Variants in NBPF12 observed in about 807,000 individuals in gnomAD.
The protein encoded by NBPF12 is NBPF family member NBPF12.
Under a neutral mutation model 146.4 loss-of-function variants are expected in NBPF12, and 115 were observed. That is an observed-to-expected ratio of 0.79 (90% CI 0.68 to 0.92). The LOEUF (loss-of-function observed/expected upper bound fraction) is 0.92, where lower values mean the gene tolerates loss of function less well. NBPF12 is among the 40% of genes least tolerant of loss of function. The pLI, the probability that NBPF12 is intolerant of heterozygous loss-of-function variation, is 0.00. For synonymous variants in NBPF12, 385 were observed against 508.9 expected (o/e 0.76, Z 3.28); for missense variants, 1,205 against 1,326.8 (o/e 0.91, Z 1.43).
At chr1:146,978,558 C>A (rs1368333154) in intron 18 of NBPF12, among the ~76,000 whole-genome samples, 19,481 of 148,492 alleles carry the variant, frequency 0.13, 764 homozygotes, top group Admixed American at 0.23. Context: ...AAGAGTTGTT[C>A]AAATTTATCT....
chr1:146,983,242 T>A (rs1657501476), intron 20 of NBPF12, 151 bp downstream of exon 23: 1 of 801,918 alleles, frequency 1.2e-6, no homozygotes, highest in South Asian at 1.5e-5. Flanking sequence ...CACTCTGGAG[T>A]CGAGTCTGAA....
intron 8 of NBPF12, among the ~76,000 whole-genome samples, chr1:146,965,534 G>A (rs1268091012): frequency 4.8e-4 from 73 of 150,836 alleles, no homozygotes; most frequent in African/African-American, 1.8e-3. Flanking sequence ...TGTAATCCCA[G>A]CACTTTGGGA....
downstream of NBPF12, chr1:146,996,104 T>C (rs1161641050): frequency 2.1e-4 from 28 of 130,628 alleles, no homozygotes; most frequent in African/African-American, 4.3e-4. Context: ...CTCTGGACTT[T>C]TGGATTGTTT....
intron 31 of NBPF12, among the ~76,000 whole-genome samples, chr1:146,992,418 C>G (rs1658228439): frequency 3.6e-5 from 5 of 138,516 alleles, no homozygotes; most frequent in South Asian, 4.5e-4. Flanking sequence ...GTCACCTGGA[C>G]AATTCACTGA....
At chr1:146,976,807 G>T in intron 16 of NBPF12, 122 bp from the exon 20 acceptor site, 2 of 566,658 alleles carry the variant, frequency 3.5e-6, no homozygotes, top group Admixed American at 3.1e-5. Context: ...GATAAAACAT[G>T]AGAGTTTTCA....
At chr1:146,939,786 A>G (rs1482593432) in intron 1 of NBPF12, among the ~76,000 whole-genome samples, 4 of 152,028 alleles carry the variant, frequency 2.6e-5, no homozygotes, top group African/African-American at 7.3e-5. Flanking sequence ...GATTGAGACC[A>G]TCCTGGCTAA....
intron 19 of NBPF12, among the ~76,000 whole-genome samples, chr1:146,981,203 C>G (rs1339868957): frequency 7.4e-6 from 1 of 135,026 alleles, no homozygotes; most frequent in Non-Finnish European, 1.6e-5. Context: ...ATGGGTGAAG[C>G]ACACCAATGT....
In NBPF12 at chr1:146,970,712, TC is replaced by T. The variant is rs1336177585; in HGVS notation, c.1377del (p.Arg460GlyfsTer54). 8 of 1,368,080 alleles carry T rather than the reference TC, an allele frequency of 5.8e-6. No individual in the cohort carries two copies. The African/African-American group carries it at 8.7e-5, about 15-fold the overall frequency. The allele number at this position is 1,368,080 out of a possible 1,614,324, so 84.7% of individuals were successfully genotyped here. On this transcript the variant is annotated frameshift_variant, in exon 12 of 34. Coordinates refer to ENST00000617844, the Ensembl canonical transcript of NBPF12. LOFTEE classifies it high-confidence loss of function. The stretch of plus-strand genomic sequence containing the variant: ...GGATGAGAAAGTGCTGGAATCATCT[TC>T]CCCCAGGTGACACTGAATACTCAGG...
At chr1:146,960,222 C>G (rs1655767135) in exon 4 of NBPF12, 2 of 1,140,708 alleles carry the variant, frequency 1.8e-6, no homozygotes, top group East Asian at 4.7e-5. Flanking sequence ...ATTGCGCCCC[C>G]AGTTGGCAGA....
At chr1:146,989,354 C>T (rs1181276349) in intron 27 of NBPF12, among the ~76,000 whole-genome samples, 20 of 147,952 alleles carry the variant, frequency 1.4e-4, no homozygotes, top group Admixed American at 9.6e-4. Flanking sequence ...CTGTCTCTGT[C>T]TCTGTCTCTG....
intron 1 of NBPF12, among the ~76,000 whole-genome samples, chr1:146,950,847 A>G (rs1214863692): frequency 2.0e-5 from 3 of 152,204 alleles, no homozygotes; most frequent in African/African-American, 7.2e-5. Flanking sequence ...AGTTTTTCCT[A>G]TTACGAATAA....
chr1:146,946,390 A>G (rs1428239269), upstream of NBPF12, among the ~76,000 whole-genome samples: 1 of 150,890 alleles, frequency 6.6e-6, no homozygotes, highest in Non-Finnish European at 1.5e-5. Context: ...CCATTCTGAT[A>G]GGTTTACGGT....
At chr1:146,984,485 T>C (rs1330767731) in intron 21 of NBPF12, among the ~76,000 whole-genome samples, 1 of 150,596 alleles carries the variant, frequency 6.6e-6, no homozygotes, top group East Asian at 2.0e-4. Context: ...CTTTTCATGA[T>C]CACTGTTCAC....
intron 1 of NBPF12, among the ~76,000 whole-genome samples, 136 bp downstream of exon 1, chr1:146,939,148 C>T (rs1206928025): frequency 0.043 from 6,537 of 152,070 alleles, 534 homozygotes; most frequent in African/African-American, 0.15. Flanking sequence ...CCTAAGTTCC[C>T]TGCGCTTGAT....
chr1:146,940,938 C>G (rs1654772265), intron 1 of NBPF12, among the ~76,000 whole-genome samples: 2 of 152,020 alleles, frequency 1.3e-5, no homozygotes, highest in African/African-American at 4.8e-5. Context: ...ATCCAGTTTT[C>G]ATTGATATGC....
At chr1:146,967,385 C>T (rs1656275547) in intron 9 of NBPF12, among the ~76,000 whole-genome samples, 1 of 150,990 alleles carries the variant, frequency 6.6e-6, no homozygotes, top group Non-Finnish European at 1.5e-5. Flanking sequence ...ACTGTAATCA[C>T]TCCTGCTCAG....
chr1:146,995,429 C>CA (rs1475652815), exon 34 of NBPF12: 7 of 137,022 alleles, frequency 5.1e-5, no homozygotes, highest in Non-Finnish European at 9.3e-5. Context: ...CACCACAAAT[C>CA]ACACAACAAA....
intron 15 of NBPF12, among the ~76,000 whole-genome samples, chr1:146,975,347 G>T (rs1236017033): frequency 1.4e-5 from 2 of 141,286 alleles, no homozygotes; most frequent in Non-Finnish European, 3.0e-5. Context: ...TGCACTATGT[G>T]TATTTTCACA....
intron 1 of NBPF12, among the ~76,000 whole-genome samples, chr1:146,950,763 TTGAA>T (rs1288330717): frequency 6.6e-6 from 1 of 152,154 alleles, no homozygotes; most frequent in African/African-American, 2.4e-5. Context: ...GAATGTATAT[TTGAA>T]TGTATATTGA....
Sources: allele counts gnomAD v4.1 joint callset (sites outside exome capture counted in the v4.1 genomes callset), GRCh38; gene constraint gnomAD v4.1.1; transcripts MANE v1.5; gene names NCBI Gene and HGNC (gene_info 2026-07-23, HGNC 2026-07-21).